The following APPL1 variants were observed in gnomAD, a reference collection of about 807,000 sequenced individuals.
APPL1 encodes DCC-interacting protein 13-alpha.
In APPL1, 42 loss-of-function variants were observed where a neutral mutation model predicts 106.8. That is an observed-to-expected ratio of 0.39 (90% confidence interval 0.31 to 0.51). The LOEUF (loss-of-function observed/expected upper bound fraction) is 0.51, where lower values mean the gene tolerates loss of function less well. APPL1 is among the 20% of genes least tolerant of loss of function. The probability of loss-of-function intolerance (pLI) is 0.75; values close to 1 mark genes in which losing one functional copy is unlikely to be tolerated. For missense variants in APPL1, 769 were observed against 858.2 expected (o/e 0.90, Z 1.30); for synonymous variants, 263 against 281.8 (o/e 0.93, Z 0.67).
At chr3:57,260,357 C>A in intron 18 of APPL1, 1 of 590,130 alleles carries the variant, frequency 1.7e-6, no homozygotes, top group Non-Finnish European at 2.7e-6. Context: ...TAACACAATT[C>A]TTTTTGTAAT....
chr3:57,257,135 T>G (rs946938332), intron 14 of APPL1, 84 bp downstream of exon 14: 1 of 1,558,816 alleles, frequency 6.4e-7, no homozygotes, highest in Admixed American at 1.8e-5. Flanking sequence ...GTACTGAAAC[T>G]TAAGACTTCT....
intron 6 of APPL1, 107 bp from the exon 7 acceptor site, chr3:57,242,749 C>T (rs2060753472): frequency 3.8e-6 from 3 of 797,738 alleles, no homozygotes; most frequent in Non-Finnish European, 6.2e-6. Context: ...GTAGGAAATT[C>T]TTGCTTTAGT....
chr3:57,269,398 A>G, intron 21 of APPL1, 143 bp from the exon 22 acceptor site: 1 of 740,302 alleles, frequency 1.4e-6, no homozygotes, highest in Non-Finnish European at 2.0e-6. Flanking sequence ...GTTTGGGTGT[A>G]GCTTTTCTTT....
intron 2 of APPL1, 117 bp downstream of exon 2, chr3:57,235,781 TA>T: frequency 1.6e-6 from 1 of 619,838 alleles, no homozygotes. Flanking sequence ...CTCATAGTAA[TA>T]AATATTTGTT....
intron 19 of APPL1, among the ~76,000 whole-genome samples, chr3:57,263,238 TC>T (rs1426372139): frequency 6.6e-6 from 1 of 152,196 alleles, no homozygotes; most frequent in Non-Finnish European, 1.5e-5. Context: ...GAGTATTCCT[TC>T]CCTTAAGCAT....
At chr3:57,267,975 C>A (rs1448963128) in intron 20 of APPL1, 183 bp downstream of exon 20, 2 of 635,350 alleles carry the variant, frequency 3.1e-6, no homozygotes, top group African/African-American at 3.7e-5. Context: ...ACCTGTAATC[C>A]CAGCTACTGA....
chr3:57,252,238 A>G, intron 11 of APPL1, 31 bp from the exon 12 acceptor site: 1 of 1,577,426 alleles, frequency 6.3e-7, no homozygotes, highest in Non-Finnish European at 8.6e-7. Context: ...TTTTTTAAAC[A>G]GTTGAGGCTC....
Position 57,228,037 on chromosome 3 carries a change from T to C in APPL1, c.54+100T>C. 1.9e-6 allele frequency: 2 copies of C among 1,052,718 alleles called. No homozygotes were observed. Among genetic ancestry groups the C allele is most frequent in the Non-Finnish European group, 2.5e-6 (2 of 813,306 alleles). 65.2% of individuals were successfully genotyped at this position (1,052,718 alleles called of 1,614,324 possible). A position where few individuals can be genotyped will look rare whatever the true frequency, so the allele number is the denominator to read the frequency against. ...CCGCAGGTGCCCGCCCCGGCCCAGG[T>C]GGGGGCCGCCGCCGCCCTAGGTCAC... is the stretch of plus-strand genomic sequence containing the variant. On this transcript the variant is annotated intron_variant, in intron 1 of 21. Coordinates refer to ENST00000288266, the MANE Select transcript of APPL1 (RefSeq NM_012096.3). This position sits in a 1 kb window ranked among gnomAD's most constrained non-coding sequence, Gnocchi z 4.6.
chr3:57,253,862 C>CTTTT (rs376268369), intron 13 of APPL1, 124 bp downstream of exon 13: 7 of 380,840 alleles, frequency 1.8e-5, no homozygotes, highest in Admixed American at 6.8e-5. Context: ...GAATGAGTAG[C>CTTTT]TTTTTTTTTT....
At chr3:57,250,964 C>A (rs567457012) in intron 11 of APPL1, among the ~76,000 whole-genome samples, 1 of 149,432 alleles carries the variant, frequency 6.7e-6, no homozygotes, top group African/African-American at 2.4e-5. Context: ...CCTGCTACCA[C>A]GCCCGGCTAA....
chr3:57,248,085 C>G, intron 9 of APPL1, 108 bp from the exon 10 acceptor site: 1 of 1,176,040 alleles, frequency 8.5e-7, no homozygotes, highest in Middle Eastern at 2.1e-4. Context: ...CCATGCCGCT[C>G]TTCCTCTCTT....
chr3:57,238,439 A>G lies in APPL1; in HGVS notation c.285+323A>G, dbSNP rs375985627. On this transcript the variant is annotated intron_variant, in intron 4 of 21. Transcript: ENST00000288266. ...GGTTCTTTGTGGTTGCTCTTTTGCT[A>G]TTAAGCAACATTTTACTGTTTAGTC... 4.6e-5 allele frequency among the ~76,000 whole-genome samples: 7 copies of G among 152,326 alleles called. No individual in the cohort carries two copies. The East Asian group carries it at 7.7e-4, about 17-fold the overall frequency.
chr3:57,247,553 T>G (rs1457494118), intron 9 of APPL1, 76 bp downstream of exon 9: 1 of 937,192 alleles, frequency 1.1e-6, no homozygotes, highest in African/African-American at 1.7e-5. Flanking sequence ...TGTAAAGATA[T>G]TTATCATTTA....
intron 19 of APPL1, among the ~76,000 whole-genome samples, chr3:57,266,695 T>C (rs2060896080): frequency 6.6e-6 from 1 of 152,228 alleles, no homozygotes; most frequent in Admixed American, 6.5e-5. Context: ...CTGATCCTTA[T>C]AATTTCTTGT....
chr3:57,249,785 G>A (rs2060793701), intron 11 of APPL1, among the ~76,000 whole-genome samples: 2 of 152,174 alleles, frequency 1.3e-5, no homozygotes, highest in Admixed American at 1.3e-4. Flanking sequence ...GTGATTTCAT[G>A]TTAGGGAACT....
rs1438787444 is a variant in APPL1 at position 57,270,524 on chromosome 3, T to TCCATAGCA, written c.*837_*838insCCATAGCA. On this transcript the variant is annotated 3_prime_UTR_variant, in exon 22 of 22. Transcript: ENST00000288266. ...AAGATACTGCTATGGAATGATACAT[T>TCCATAGCA]GTATTTTCTGCATTGTGTGAAATAG... The TCCATAGCA allele has an allele frequency of 3.9e-5, 6 of 152,672 alleles. No homozygotes were observed. The highest frequency in any genetic ancestry group is 7.3e-5 in the Non-Finnish European group (5 of 68,040). 9.5% of individuals were successfully genotyped at this position (152,672 alleles called of 1,614,324 possible). A position where few individuals can be genotyped will look rare whatever the true frequency, so the allele number is the denominator to read the frequency against.
At chr3:57,263,485 C>T (rs966257590) in intron 19 of APPL1, among the ~76,000 whole-genome samples, 2 of 151,068 alleles carry the variant, frequency 1.3e-5, no homozygotes, top group Non-Finnish European at 2.9e-5. Context: ...TTTTTAGATC[C>T]CACAGATAAG....
intron 7 of APPL1, among the ~76,000 whole-genome samples, chr3:57,245,078 C>A (rs1055761011): frequency 6.6e-6 from 1 of 152,064 alleles, no homozygotes; most frequent in African/African-American, 2.4e-5. Context: ...ATTTTTAGCA[C>A]ATAAACACAC....
rs1016027345 is a variant in APPL1 at position 57,271,446 on chromosome 3, T to C, written c.*1759T>C. ...TTTCACAATAGTGTATCAGTTCTTT[T>C]GTTTTGTTAAAGTTGGAATTTATTC... On this transcript the variant is annotated 3_prime_UTR_variant, in exon 22 of 22. Transcript: ENST00000288266. 3.3e-5 allele frequency: 5 copies of C among 152,700 alleles called. No homozygotes were observed. Among genetic ancestry groups the C allele is most frequent in the African/African-American group, 1.2e-4 (5 of 41,586 alleles). 9.5% of individuals were successfully genotyped at this position (152,700 alleles called of 1,614,324 possible).
Sources: gnomAD v4.1 joint callset for allele counts (sites outside exome capture counted in the v4.1 genomes callset) on GRCh38, gnomAD v4.1.1 for gene constraint, Gnocchi (gnomAD v3.1) non-coding constraint, MANE v1.5 for transcripts, NCBI Gene and HGNC (gene_info 2026-07-23, HGNC 2026-07-21) for gene names.